KPNA6: variants seen among roughly 807,000 people sequenced by gnomAD.
KPNA6 encodes the protein karyopherin subunit alpha 6.
In KPNA6, 9 loss-of-function variants were observed where a neutral mutation model predicts 72.0. That is an observed-to-expected ratio of 0.13 (90% CI 0.08 to 0.22). The LOEUF (loss-of-function observed/expected upper bound fraction) is 0.22. Among genes scored for constraint, KPNA6 ranks in the 10% least tolerant of loss-of-function variants. The pLI, the probability that KPNA6 is intolerant of heterozygous loss-of-function variation, is 1.00. For synonymous variants in KPNA6, 219 were observed against 242.1 expected, an observed-to-expected ratio of 0.90 and a Z score of 0.89; for missense variants, 374 against 655.7, an observed-to-expected ratio of 0.57 and a Z score of 4.69.
intron 1 of KPNA6, among the ~76,000 whole-genome samples, chr1:32,119,849 A>G (rs1641401378): frequency 1.3e-5 from 2 of 151,200 alleles, no homozygotes; most frequent in East Asian, 3.9e-4. Context: ...GGTTCAAGCA[A>G]TTCTCCTGCC....
chr1:32,121,325 A>C (rs1481953117), intron 1 of KPNA6, among the ~76,000 whole-genome samples: 2 of 152,180 alleles, frequency 1.3e-5, no homozygotes, highest in Admixed American at 6.5e-5. Context: ...GGGGAAAAAA[A>C]ATTAAGCATG....
At chr1:32,147,028 A>G (rs1641941249) in intron 1 of KPNA6, among the ~76,000 whole-genome samples, 1 of 151,622 alleles carries the variant, frequency 6.6e-6, no homozygotes, top group Non-Finnish European at 1.5e-5. Context: ...GCTAATTTTT[A>G]TATATTTTTT....
At chr1:32,145,722 A>G (rs980197744) in intron 1 of KPNA6, among the ~76,000 whole-genome samples, 1 of 151,692 alleles carries the variant, frequency 6.6e-6, no homozygotes, top group Non-Finnish European at 1.5e-5. Flanking sequence ...CTTCAAAATC[A>G]GTTGGCTGGC....
intron 1 of KPNA6, among the ~76,000 whole-genome samples, chr1:32,133,289 A>T (rs1036248197): frequency 4.6e-5 from 7 of 151,930 alleles, no homozygotes; most frequent in African/African-American, 1.7e-4. Context: ...GGCGGCAGTG[A>T]GCCATGATTG....
intron 1 of KPNA6, among the ~76,000 whole-genome samples, chr1:32,129,844 A>C (rs562847920): frequency 6.6e-6 from 1 of 152,316 alleles, no homozygotes; most frequent in South Asian, 2.1e-4. Context: ...ACGTGGTGGA[A>C]TTGAGAAGCA....
At chr1:32,119,032 A>ATTTTTTTTT (rs71006332) in intron 1 of KPNA6, among the ~76,000 whole-genome samples, 5 of 40,280 alleles carry the variant, frequency 1.2e-4, no homozygotes, top group Admixed American at 1.1e-3. Context: ...ATATATATAT[A>ATTTTTTTTT]TTTTTTTTTT....
Position 32,163,283 on chromosome 1 carries a change from C to T in KPNA6, c.960C>T (p.Asn320=). The change falls in exon 10 of 14, where the codon AAC becomes AAT. Residue 320 remains asparagine, a synonymous_variant. Coordinates refer to ENST00000373625, the MANE Select transcript of KPNA6 (RefSeq NM_012316.5). ...CTCCTGCCCTGAGAGCCGTGGGTAA[C>T]ATCGTCACTGGGGATGACATCCAGA... ...VASPALRAVG[N]IVTGDDIQTQ... The T allele has an allele frequency of 6.2e-7, 1 of 1,613,132 alleles. No individual in the cohort carries two copies. Among genetic ancestry groups the T allele is most frequent in the Non-Finnish European group, 8.5e-7 (1 of 1,179,518 alleles).
chr1:32,144,576 G>C (rs773832712), intron 1 of KPNA6, among the ~76,000 whole-genome samples: 9 of 152,138 alleles, frequency 5.9e-5, no homozygotes, highest in Non-Finnish European at 1.3e-4. Context: ...CCAGGTTCCA[G>C]ATCTTAGCCA....
chr1:32,149,611 A>G (rs1263781726), intron 1 of KPNA6, among the ~76,000 whole-genome samples: 2 of 152,076 alleles, frequency 1.3e-5, no homozygotes. Flanking sequence ...TTTAAAGACA[A>G]TTTTTAAATG....
At chr1:32,160,830 T>G in intron 7 of KPNA6, 127 bp downstream of exon 7, 3 of 677,650 alleles carry the variant, frequency 4.4e-6, no homozygotes, top group Non-Finnish European at 5.4e-6. Context: ...TGCATTCTGA[T>G]TGCCAAAGTA....
chr1:32,108,461 C>T (rs1242756386), intron 1 of KPNA6, among the ~76,000 whole-genome samples: 1 of 152,326 alleles, frequency 6.6e-6, no homozygotes, highest in East Asian at 1.9e-4. Flanking sequence ...GGCTGGGGGA[C>T]GGGCTCCCGG....
chr1:32,125,257 A>G (rs1641512486), intron 1 of KPNA6, among the ~76,000 whole-genome samples: 1 of 152,282 alleles, frequency 6.6e-6, no homozygotes, highest in Non-Finnish European at 1.5e-5. Flanking sequence ...AAAACAATGT[A>G]ATCAAAACTT....
chr1:32,150,258 G>A (rs1021378316), intron 1 of KPNA6, among the ~76,000 whole-genome samples: 2 of 147,126 alleles, frequency 1.4e-5, no homozygotes, highest in African/African-American at 5.0e-5. Flanking sequence ...TCAGCCTCCC[G>A]AGTAGCTGGG....
chr1:32,132,075 A>G (rs968812723), intron 1 of KPNA6, among the ~76,000 whole-genome samples: 18 of 151,762 alleles, frequency 1.2e-4, no homozygotes, highest in Admixed American at 1.2e-3. Context: ...GGTAGAAGCA[A>G]TTCTCCTGCC....
At chr1:32,164,945 T>C (rs1642305448) in intron 10 of KPNA6, among the ~76,000 whole-genome samples, 1 of 152,194 alleles carries the variant, frequency 6.6e-6, no homozygotes, top group African/African-American at 2.4e-5. Context: ...TCACCCAGGC[T>C]AGAGTGCAAT....
At position 32,109,117 on chromosome 1, in the gene KPNA6, A is replaced by G. The variant is rs10127892; in HGVS notation, c.4+983A>G. ...TTAGAGAGGTAAAGTAACTTACCCA[A>G]GGTCATGCAGTGGCTAAGCCAGGGT... On this transcript the variant is annotated intron_variant, in intron 1 of 13. Transcript: ENST00000373625. 1.1e-3 allele frequency among the ~76,000 whole-genome samples: 168 copies of G among 152,324 alleles called. 1 individual carries two copies. Among genetic ancestry groups the G allele is most frequent in the African/African-American group, 3.9e-3 (164 of 41,572 alleles).
rs1642487466 is a variant in KPNA6 at position 32,174,163 on chromosome 1, C to CG, written c.*3269_*3270insG. 6.8e-6 allele frequency: 1 copy of CG among 147,250 alleles called. No individual in the cohort carries two copies. Among genetic ancestry groups the CG allele is most frequent in the Non-Finnish European group, 1.5e-5 (1 of 67,040 alleles). The allele number at this position is 147,250 out of a possible 1,614,324, so 9.1% of individuals were successfully genotyped here. ...TACATGGGTCAGGGAATACAAATGG[C>CG]CCCCCCCCAGGGAGCAGGTGTTGGC... On this transcript the variant is annotated 3_prime_UTR_variant, in exon 14 of 14. Coordinates refer to ENST00000373625, the MANE Select transcript of KPNA6 (RefSeq NM_012316.5).
At chr1:32,120,573 A>G (rs1641414624) in intron 1 of KPNA6, among the ~76,000 whole-genome samples, 1 of 146,958 alleles carries the variant, frequency 6.8e-6, no homozygotes, top group Admixed American at 6.8e-5. Flanking sequence ...TTAATTAATT[A>G]ATTATTTTTT....
chr1:32,147,845 A>G (rs1297709570), intron 1 of KPNA6, among the ~76,000 whole-genome samples: 1 of 151,422 alleles, frequency 6.6e-6, no homozygotes, highest in Non-Finnish European at 1.5e-5. Context: ...CTTTTTGTAG[A>G]GACGGGGTTT....
Sources: gnomAD v4.1 joint callset for allele counts (sites outside exome capture counted in the v4.1 genomes callset) on GRCh38, gnomAD v4.1.1 for gene constraint, MANE v1.5 for transcripts, NCBI Gene and HGNC (gene_info 2026-07-23, HGNC 2026-07-21) for gene names.